The following C8orf89 variants were observed in gnomAD, a reference collection of about 807,000 sequenced individuals.
The protein encoded by C8orf89 is chromosome 8 open reading frame 89, also known as putative uncharacterized protein C8orf89.
C8orf89 carries 14 observed loss-of-function variants against 15.8 expected under a neutral mutation model. The ratio of observed to expected loss-of-function variants is 0.89; its 90% CI spans 0.59 to 1.39. The LOEUF (loss-of-function observed/expected upper bound fraction) is 1.39, where lower values mean the gene tolerates loss of function less well. C8orf89 is among the 40% of genes most tolerant of loss of function. C8orf89 has a pLI of 0.00. For synonymous variants in C8orf89, 55 were observed against 62.2 expected, an observed-to-expected ratio of 0.88 and a Z score of 0.54; for missense variants, 181 against 184.5, an observed-to-expected ratio of 0.98 and a Z score of 0.11.
chr8:73,241,620 G>T lies in C8orf89; in HGVS notation c.338-15C>A. The stretch of plus-strand genomic sequence containing the variant: ...GAAGCCAGAACCTGGAGGAGGAGGT[G>T]GGGAGTCAGCTATTAAAATGAATTA... On this transcript the variant is annotated splice_polypyrimidine_tract_variant and intron_variant, in intron 3 of 3. Coordinates refer to ENST00000624510, the MANE Select transcript of C8orf89 (RefSeq NM_001243237.3). The T allele has an allele frequency of 1.4e-6, 2 of 1,479,746 alleles. No individual in the cohort carries two copies. The highest frequency in any genetic ancestry group is 1.4e-5 in the African/African-American group (1 of 70,854). The allele number at this position is 1,479,746 out of a possible 1,614,324, so 91.7% of individuals were successfully genotyped here.
In C8orf89 at chr8:73,259,414, G is replaced by T. The variant is rs760681807; in HGVS notation, c.45C>A (p.Phe15Leu). 41 of 1,533,048 alleles carry T rather than the reference G, an allele frequency of 2.7e-5. No homozygotes were observed. In the South Asian group the frequency reaches 4.5e-4, roughly 17 times the overall value. The allele number at this position is 1,533,048 out of a possible 1,614,324, so 95.0% of individuals were successfully genotyped here. ...SPEIKCETSK[F>L]TRSSFGSCLI... ...AACAACTGCCAAAGGAACTTCTGGTGAATTTAGAAGTCTCACATTTGATTT... is the reference window on the plus strand; with the variant it reads ...AACAACTGCCAAAGGAACTTCTGGTTAATTTAGAAGTCTCACATTTGATTT... Residue 15 changes from phenylalanine (F) to leucine (L), a missense_variant, in exon 1 of 4, where the codon TTC becomes TTA. Coordinates refer to ENST00000624510, the MANE Select transcript of C8orf89 (RefSeq NM_001243237.3).
rs533652938 is a variant in C8orf89 at position 73,254,587 on chromosome 8, C to T, written c.281+2386G>A. On this transcript the variant is annotated intron_variant, in intron 2 of 3. Coordinates refer to ENST00000624510, the MANE Select transcript of C8orf89 (RefSeq NM_001243237.3). ...TCCAGATGCAGCTTTATCCAGGGGA[C>T]GCCTCATGCCTGGTCATTTGGGTGG... is the stretch of plus-strand genomic sequence containing the variant. Among the ~76,000 whole-genome samples the T allele has an allele frequency of 7.2e-5, 11 of 152,220 alleles. No individual in the cohort carries two copies. The East Asian group carries it at 7.7e-4, about 11-fold the overall frequency.
intron 1 of C8orf89, among the ~76,000 whole-genome samples, chr8:73,258,985 T>C (rs1813468839): frequency 1.3e-5 from 2 of 152,126 alleles, no homozygotes; most frequent in African/African-American, 4.8e-5. Context: ...TGTCTTAAAA[T>C]ATAAAAATCA....
chr8:73,247,975 C>T (rs542128925), intron 3 of C8orf89, among the ~76,000 whole-genome samples: 1 of 151,962 alleles, frequency 6.6e-6, no homozygotes, highest in African/African-American at 2.4e-5. Context: ...TTTGCTTTTG[C>T]GGCATTGCTT....
Position 73,246,540 on chromosome 8 carries a change from G to A in C8orf89, c.337+3728C>T, listed in dbSNP as rs564490347. ...ATTACAGGCGCACACCACAATTCCC[G>A]GCTAATTTTTGTATTTTTAGTAGAG... On this transcript the variant is annotated intron_variant, in intron 3 of 3. Transcript: ENST00000624510. 1.5e-3 allele frequency among the ~76,000 whole-genome samples: 224 copies of A among 152,180 alleles called. 1 individual carries two copies. Among genetic ancestry groups the A allele is most frequent in the African/African-American group, 5.0e-3 (208 of 41,526 alleles).
At chr8:73,260,560 A>C (rs1813506756), upstream of C8orf89, among the ~76,000 whole-genome samples, 1 of 152,182 alleles carries the variant, frequency 6.6e-6, no homozygotes, top group Non-Finnish European at 1.5e-5. Context: ...AAGAAAACGG[A>C]TAATACAGTT....
chr8:73,271,780 T>C, the C8orf89 span, among the ~76,000 whole-genome samples: 1 of 152,092 alleles, frequency 6.6e-6, no homozygotes. Context: ...TACAATTCCA[T>C]GTGGCTGGAG....
chr8:73,255,416 G>A (rs1187102543), intron 2 of C8orf89, among the ~76,000 whole-genome samples: 4 of 151,730 alleles, frequency 2.6e-5, no homozygotes, highest in African/African-American at 9.6e-5. Context: ...AAACCACAAT[G>A]AGATACCATC....
At chr8:73,265,713 T>C in the C8orf89 span, among the ~76,000 whole-genome samples, 1 of 152,224 alleles carries the variant, frequency 6.6e-6, no homozygotes, top group Non-Finnish European at 1.5e-5. Flanking sequence ...GCAATCAGCA[T>C]ACAAAAAGAA....
At chr8:73,277,139 G>C in the C8orf89 span, among the ~76,000 whole-genome samples, 1 of 151,942 alleles carries the variant, frequency 6.6e-6, no homozygotes, top group African/African-American at 2.4e-5. Context: ...AATCTTCCAG[G>C]GTTTAGCTTA....
the C8orf89 span, among the ~76,000 whole-genome samples, chr8:73,284,493 G>A: frequency 6.6e-6 from 1 of 151,902 alleles, no homozygotes; most frequent in African/African-American, 2.4e-5. Context: ...GATTACAGGC[G>A]TGTGCCACCA....
rs1586158985 is a variant in C8orf89, at chr8:73,241,403, G to T, written c.*54C>A. The T allele has an allele frequency of 6.9e-6, 9 of 1,306,772 alleles. No individual in the cohort carries two copies. In the East Asian group the frequency reaches 2.4e-4, roughly 36 times the overall value. 80.9% of individuals were successfully genotyped at this position (1,306,772 alleles called of 1,614,324 possible). On this transcript the variant is annotated 3_prime_UTR_variant, in exon 4 of 4. Transcript: ENST00000624510. ...TTTTGCATCATATCATATAAAAAAAGAAAATATAAAGCTTAAAAGTCACTG... is the reference window on the plus strand; with the variant it reads ...TTTTGCATCATATCATATAAAAAAATAAAATATAAAGCTTAAAAGTCACTG...
chr8:73,260,656 G>A (rs934166741), upstream of C8orf89, among the ~76,000 whole-genome samples: 3 of 152,158 alleles, frequency 2.0e-5, no homozygotes, highest in Admixed American at 6.5e-5. Flanking sequence ...TGGGCATTAG[G>A]GAAGCATTTC....
intron 2 of C8orf89, among the ~76,000 whole-genome samples, chr8:73,255,171 G>A (rs1397620210): frequency 1.3e-5 from 2 of 151,850 alleles, no homozygotes; most frequent in African/African-American, 4.8e-5. Context: ...TACCATCAGA[G>A]TGAACAGGCA....
At chr8:73,285,869 C>A in the C8orf89 span, among the ~76,000 whole-genome samples, 1 of 152,188 alleles carries the variant, frequency 6.6e-6, no homozygotes, top group East Asian at 1.9e-4. Context: ...TGAGCATGCC[C>A]CGCAGCCAGC....
upstream of C8orf89, among the ~76,000 whole-genome samples, chr8:73,264,417 G>A (rs141072229): frequency 6.6e-6 from 1 of 152,306 alleles, no homozygotes; most frequent in East Asian, 1.9e-4. Context: ...TGTGAATAAT[G>A]AGGGTTGACT....
chr8:73,273,716 G>T, the C8orf89 span, among the ~76,000 whole-genome samples: 2 of 151,510 alleles, frequency 1.3e-5, no homozygotes, highest in African/African-American at 2.4e-5. Context: ...CCCAGAGTGA[G>T]AACTTGTGGT....
intron 3 of C8orf89, 139 bp downstream of exon 3, chr8:73,250,129 T>C (rs1813215213): frequency 3.4e-6 from 2 of 587,640 alleles, no homozygotes; most frequent in African/African-American, 1.9e-5. Context: ...CCACTTAGTT[T>C]ATAAAATAAA....
At chr8:73,271,926 T>A in the C8orf89 span, among the ~76,000 whole-genome samples, 1 of 152,198 alleles carries the variant, frequency 6.6e-6, no homozygotes, top group African/African-American at 2.4e-5. Flanking sequence ...CCAAACCATA[T>A]AACCTAGTAC....
Sources: gnomAD v4.1 joint callset for allele counts (sites outside exome capture counted in the v4.1 genomes callset) on GRCh38, gnomAD v4.1.1 for gene constraint, MANE v1.5 for transcripts, NCBI Gene and HGNC (gene_info 2026-07-23, HGNC 2026-07-21) for gene names.